The following INO80 variants were observed in gnomAD, a reference collection of about 807,000 sequenced individuals.
INO80 encodes the protein chromatin-remodeling ATPase INO80.
In INO80, 20 loss-of-function variants were observed where a neutral mutation model predicts 203.4. That is an observed-to-expected ratio of 0.10 (90% CI 0.07 to 0.14). The LOEUF (loss-of-function observed/expected upper bound fraction) is 0.14, where lower values mean the gene tolerates loss of function less well. Ranked by LOEUF, INO80 falls within the 10% of genes least tolerant of loss-of-function variation. The pLI is 1.00. For synonymous variants in INO80, 726 were observed against 685.2 expected, an observed-to-expected ratio of 1.06 and a Z score of -0.93; for missense variants, 1,419 against 1,914.4, an observed-to-expected ratio of 0.74 and a Z score of 4.83.
intron 24 of INO80, among the ~76,000 whole-genome samples, chr15:41,031,618 GAGGA>G (rs1216113946): frequency 1.9e-5 from 1 of 53,380 alleles, no homozygotes. Context: ...AGGGAGGAGG[GAGGA>G]AGGGAGGAAG....
chr15:41,070,673 C>T, intron 12 of INO80, 126 bp from the exon 13 acceptor site: 1 of 753,906 alleles, frequency 1.3e-6, no homozygotes, highest in Non-Finnish European at 2.3e-6. Context: ...TACTCAGCCT[C>T]AGCACTTTTA....
chr15:41,020,946 C>A lies in INO80; in HGVS notation c.3228G>T (p.Leu1076=). ...SQFFPEPAGG[L]WSIRPQNGWS... is the part of the protein sequence containing the mutation. The stretch of plus-strand genomic sequence containing the variant: ...AGCCATTCTGAGGTCTGATGCTCCA[C>A]AGACCTCCAGCTGGCTCTGGGAAGA... Residue 1076 remains leucine, a synonymous_variant, in exon 26 of 36, where the codon CTG becomes CTT. Transcript: ENST00000648947. 1 of 1,614,138 alleles carries A rather than the reference C, an allele frequency of 6.2e-7. No individual in the cohort carries two copies. Among genetic ancestry groups the A allele is most frequent in the Non-Finnish European group, 8.5e-7 (1 of 1,180,002 alleles).
chr15:41,050,131 G>A, intron 19 of INO80, 29 bp from the exon 20 acceptor site: 1 of 1,537,392 alleles, frequency 6.5e-7, no homozygotes, highest in Non-Finnish European at 8.9e-7. Context: ...ATTTATATTT[G>A]GAAAAGTAGT....
intron 1 of INO80, among the ~76,000 whole-genome samples, chr15:41,114,367 G>T (rs2045998731): frequency 6.6e-6 from 1 of 152,070 alleles, no homozygotes; most frequent in Admixed American, 6.6e-5. Context: ...GAGGAGCTTG[G>T]AAATTTCAAA....
At chr15:41,043,341 A>T (rs1469209399) in intron 24 of INO80, among the ~76,000 whole-genome samples, 1 of 152,210 alleles carries the variant, frequency 6.6e-6, no homozygotes, top group Non-Finnish European at 1.5e-5. Flanking sequence ...ACAGAAGATT[A>T]AGCAACTCTT....
chr15:41,039,848 A>G (rs2044641211), intron 24 of INO80, among the ~76,000 whole-genome samples: 1 of 152,234 alleles, frequency 6.6e-6, no homozygotes, highest in Non-Finnish European at 1.5e-5. Flanking sequence ...TAAACTGCTC[A>G]CATCGGTGGT....
rs1385194731 is a variant in INO80 at position 41,050,002 on chromosome 15, A to G, written c.2375T>C (p.Met792Thr). Residue 792 changes from methionine to threonine, a missense_variant, in exon 20 of 36, where the codon ATG becomes ACG. Transcript: ENST00000648947. ...ISIEDLLQSS[M>T]GSTQQAQNTT... is the part of the protein sequence containing the mutation. ...GTTCTGTGCTTGTTGGGTAGAGCCC[A>G]TAGAAGACTGCAATAAATCCTCAAT... 1.2e-6 allele frequency: 2 copies of G among 1,614,204 alleles called. No individual in the cohort carries two copies. Among genetic ancestry groups the G allele is most frequent in the African/African-American group, 1.3e-5 (1 of 75,070 alleles).
chr15:41,109,904 C>G (rs2045934624), intron 1 of INO80, among the ~76,000 whole-genome samples: 2 of 151,000 alleles, frequency 1.3e-5, no homozygotes, highest in Admixed American at 1.3e-4. Flanking sequence ...TGCACTCCAG[C>G]CTGGACGACA....
chr15:41,053,113 A>G (rs189497161), intron 19 of INO80, among the ~76,000 whole-genome samples: 25 of 149,532 alleles, frequency 1.7e-4, no homozygotes, highest in Middle Eastern at 3.5e-3. Context: ...TTATTCTGAC[A>G]TTTTTTTTTT....
At chr15:40,987,697 TG>T (rs538250276) in intron 30 of INO80, 118 bp downstream of exon 30, 991 of 958,766 alleles carry the variant, frequency 1.0e-3, no homozygotes, top group Non-Finnish European at 1.3e-3. Flanking sequence ...CAGAAGAAAT[TG>T]TAGTTTCGTC....
chr15:40,996,761 C>T (rs1160233666), intron 29 of INO80, among the ~76,000 whole-genome samples: 1 of 152,194 alleles, frequency 6.6e-6, no homozygotes, highest in Non-Finnish European at 1.5e-5. Context: ...CTCCAACCAC[C>T]TTTTGAAGTT....
chr15:41,091,296 C>T (rs1257309748), intron 5 of INO80, among the ~76,000 whole-genome samples: 2 of 151,726 alleles, frequency 1.3e-5, no homozygotes, highest in East Asian at 1.9e-4. Context: ...CTGACCTCAA[C>T]TGATCTGCCC....
At chr15:41,039,945 C>T (rs2044642412) in intron 24 of INO80, among the ~76,000 whole-genome samples, 1 of 152,146 alleles carries the variant, frequency 6.6e-6, no homozygotes, top group South Asian at 2.1e-4. Context: ...AGCATACAGA[C>T]ATTGGAGAAA....
intron 26 of INO80, chr15:41,017,154 C>T (rs2044223597): frequency 1.3e-5 from 2 of 152,234 alleles, no homozygotes; most frequent in African/African-American, 4.8e-5. Flanking sequence ...CACTCACTAA[C>T]TTGTGCTTTC....
intron 18 of INO80, among the ~76,000 whole-genome samples, chr15:41,054,716 G>A (rs538568197): frequency 3.3e-5 from 5 of 152,190 alleles, no homozygotes; most frequent in African/African-American, 4.8e-5. Context: ...TCGGCTCACC[G>A]CAAACTCCAT....
chr15:41,058,695 C>T lies in INO80; in HGVS notation c.1929G>A (p.Arg643=), dbSNP rs2038405190. The change falls in exon 16 of 36, where the codon CGG becomes CGA. Residue 643 remains arginine, a synonymous_variant. Transcript: ENST00000648947. ...CCAGTACCATGTATTGCCACTTGAC[C>T]CGCTGGAAATACTTTACATCCTGCA... The part of the protein sequence containing the change: ...LVVQDVKYFQ[R]VKWQYMVLDE... 6.2e-7 allele frequency: 1 copy of T among 1,613,674 alleles called. No individual in the cohort carries two copies. The highest frequency in any genetic ancestry group is 1.1e-5 in the South Asian group (1 of 91,070).
intron 27 of INO80, among the ~76,000 whole-genome samples, chr15:41,008,240 CA>C (rs1365251270): frequency 6.6e-6 from 1 of 151,966 alleles, no homozygotes; most frequent in Admixed American, 6.6e-5. Flanking sequence ...CACACACACA[CA>C]CACACACACA....
chr15:41,056,375 A>G (rs1216636317), intron 17 of INO80, among the ~76,000 whole-genome samples: 3 of 152,226 alleles, frequency 2.0e-5, no homozygotes, highest in Admixed American at 2.0e-4. Context: ...AAATGTTTAC[A>G]TTTTCTAATG....
chr15:41,016,348 A>C (rs1197665441), intron 26 of INO80, 133 bp from the exon 27 acceptor site: 8 of 850,834 alleles, frequency 9.4e-6, no homozygotes, highest in Non-Finnish European at 1.4e-5. Context: ...AAAGTGCTCT[A>C]AAGGGAGAAT....
Sources: gnomAD v4.1 joint callset for allele counts (sites outside exome capture counted in the v4.1 genomes callset) on GRCh38, gnomAD v4.1.1 for gene constraint, MANE v1.5 for transcripts, NCBI Gene and HGNC (gene_info 2026-07-23, HGNC 2026-07-21) for gene names.